The following KIRREL3 variants were observed in gnomAD, a reference collection of about 807,000 sequenced individuals.
KIRREL3 encodes kin of IRRE-like protein 3.
In KIRREL3, 36 loss-of-function variants were observed where a neutral mutation model predicts 89.7. That is an observed-to-expected ratio of 0.40 (90% CI 0.31 to 0.53). The LOEUF (loss-of-function observed/expected upper bound fraction) is 0.53. KIRREL3 is among the 20% of genes least tolerant of loss of function. The pLI is 0.49. For missense variants in KIRREL3, 864 were observed against 1,056.6 expected, an observed-to-expected ratio of 0.82 and a Z score of 2.53; for synonymous variants, 445 against 441.4, an observed-to-expected ratio of 1.01 and a Z score of -0.10.
rs1156632165 is a variant in KIRREL3 at position 126,645,159 on chromosome 11, GA to G, written c.56-82248del. On this transcript the variant is annotated intron_variant, in intron 1 of 16. Transcript: ENST00000525144. The surrounding 1 kb of genome is among the most constrained non-coding windows in gnomAD (Gnocchi z 4.9). ...CTGGGCGTTATGAAGGAAAAAGCTG[GA>G]GGAAGATAGAGTGGGACCAGAAAGT... 6.6e-6 allele frequency among the ~76,000 whole-genome samples: 1 copy of G among 152,224 alleles called. No homozygotes were observed. Among genetic ancestry groups the G allele is most frequent in the Non-Finnish European group, 1.5e-5 (1 of 68,040 alleles).
chr11:126,572,291 A>G (rs904726337), intron 1 of KIRREL3, among the ~76,000 whole-genome samples: 15 of 152,232 alleles, frequency 9.9e-5, no homozygotes, highest in African/African-American at 3.4e-4. Flanking sequence ...TTGCAAAGCC[A>G]GAGGCCCAAT....
At chr11:126,600,144 G>A (rs777807504) in intron 1 of KIRREL3, among the ~76,000 whole-genome samples, 4 of 152,212 alleles carry the variant, frequency 2.6e-5, no homozygotes, top group Non-Finnish European at 5.9e-5. Flanking sequence ...AGAGGCCCAT[G>A]TGGCAAGAAC....
At position 126,475,676 on chromosome 11, in the gene KIRREL3, AC is replaced by A. The variant is rs955980197; in HGVS notation, c.434-2211del. Among the ~76,000 whole-genome samples, 2 of 151,236 alleles carry A rather than the reference AC, an allele frequency of 1.3e-5. No individual in the cohort carries two copies. Among genetic ancestry groups the A allele is most frequent in the East Asian group, 2.0e-4 (1 of 5,104 alleles). On this transcript the variant is annotated intron_variant, in intron 4 of 16. Transcript: ENST00000525144. The surrounding 1 kb of genome is among the most constrained non-coding windows in gnomAD (Gnocchi z 7.5). Reference sequence around the variant, plus strand: ...ATGAATGGGATGGATGGAGAAGACGACCCCCCAGCCGCCCACCCCACACCCT... The same window carrying A: ...ATGAATGGGATGGATGGAGAAGACGACCCCCAGCCGCCCACCCCACACCCT...
rs1833781216 is a variant in KIRREL3 at position 126,996,988 on chromosome 11, A to C, written c.55+3467T>G. On this transcript the variant is annotated intron_variant, in intron 1 of 16. Coordinates refer to ENST00000525144, the MANE Select transcript of KIRREL3 (RefSeq NM_032531.4). The surrounding 1 kb of genome is among the most constrained non-coding windows in gnomAD (Gnocchi z 4.7). ...GCGAGTGTCTGGAGTAGAAGGCGCCAAGTTCTTGCCACTGTGGCTCCCCTG... is the reference window on the plus strand; with the variant it reads ...GCGAGTGTCTGGAGTAGAAGGCGCCCAGTTCTTGCCACTGTGGCTCCCCTG... Among the ~76,000 whole-genome samples the C allele has an allele frequency of 6.6e-6, 1 of 151,986 alleles. No homozygotes were observed. Among genetic ancestry groups the C allele is most frequent in the Non-Finnish European group, 1.5e-5 (1 of 67,998 alleles).
chr11:126,947,502 C>G (rs1426197584), intron 1 of KIRREL3, among the ~76,000 whole-genome samples: 1 of 152,194 alleles, frequency 6.6e-6, no homozygotes, highest in African/African-American at 2.4e-5. Context: ...AACTGGACAG[C>G]CCCTTCCTAT....
intron 1 of KIRREL3, among the ~76,000 whole-genome samples, chr11:126,746,449 A>G (rs1056683068): frequency 1.3e-5 from 2 of 152,116 alleles, no homozygotes; most frequent in Non-Finnish European, 2.9e-5. Flanking sequence ...TTCTGTGGCC[A>G]TGACCACCCC....
chr11:126,709,570 G>A lies in KIRREL3; in HGVS notation c.56-146658C>T, dbSNP rs1346231042. Among the ~76,000 whole-genome samples, 1 of 152,140 alleles carries A rather than the reference G, an allele frequency of 6.6e-6. No individual in the cohort carries two copies. Among genetic ancestry groups the A allele is most frequent in the Non-Finnish European group, 1.5e-5 (1 of 68,030 alleles). On this transcript the variant is annotated intron_variant, in intron 1 of 16. Coordinates refer to ENST00000525144, the MANE Select transcript of KIRREL3 (RefSeq NM_032531.4). The surrounding 1 kb of genome is among the most constrained non-coding windows in gnomAD (Gnocchi z 4.0). The stretch of plus-strand genomic sequence containing the variant: ...AAAAAGGTGATTAAGTTAAAATGAG[G>A]TCATTAGGGTGCGTCCTAATCCTGC...
At chr11:126,835,560 G>T (rs11220633) in intron 1 of KIRREL3, among the ~76,000 whole-genome samples, 34,191 of 152,140 alleles carry the variant, frequency 0.22, 4,601 homozygotes, top group Non-Finnish European at 0.31. Context: ...ATTGGAGGCA[G>T]AATGAGAATT....
In KIRREL3 at chr11:126,611,702, CAG is replaced by C. The variant is rs1943137265; in HGVS notation, c.56-48792_56-48791del. Among the ~76,000 whole-genome samples, 1 of 152,154 alleles carries C rather than the reference CAG, an allele frequency of 6.6e-6. No individual in the cohort carries two copies. Among genetic ancestry groups the C allele is most frequent in the South Asian group, 2.1e-4 (1 of 4,828 alleles). ...GCACGCACGTTGGGTTCACTGATCG[CAG>C]AGTCTTTTTCTGGCTGCCAAGAACA... On this transcript the variant is annotated intron_variant, in intron 1 of 16. Transcript: ENST00000525144. The surrounding 1 kb of genome is among the most constrained non-coding windows in gnomAD (Gnocchi z 4.7).
In KIRREL3 at chr11:126,427,166, A is replaced by C. The variant is rs1298011856; in HGVS notation, c.1807-1442T>G. ...TTTGGGATGAAGGACACACATGATT[A>C]AGCTTAAGTATAGAGACGTCATCCC... is the stretch of plus-strand genomic sequence containing the variant. On this transcript the variant is annotated intron_variant, in intron 15 of 16. Transcript: ENST00000525144. This position sits in a 1 kb window ranked among gnomAD's most constrained non-coding sequence, Gnocchi z 5.3. 6.6e-6 allele frequency among the ~76,000 whole-genome samples: 1 copy of C among 152,182 alleles called. No individual in the cohort carries two copies. Among genetic ancestry groups the C allele is most frequent in the Non-Finnish European group, 1.5e-5 (1 of 68,040 alleles).
intron 2 of KIRREL3, among the ~76,000 whole-genome samples, chr11:126,543,421 A>G (rs1326689349): frequency 6.6e-6 from 1 of 152,088 alleles, no homozygotes; most frequent in Non-Finnish European, 1.5e-5. Context: ...AATCTTTCCC[A>G]TTTTACGGAC....
At chr11:126,738,836 C>T (rs761323582) in intron 1 of KIRREL3, among the ~76,000 whole-genome samples, 1 of 152,222 alleles carries the variant, frequency 6.6e-6, no homozygotes, top group Non-Finnish European at 1.5e-5. Flanking sequence ...TGGGCTTCCA[C>T]CCACCTCGGA....
intron 1 of KIRREL3, among the ~76,000 whole-genome samples, chr11:126,856,195 GA>G (rs1168443045): frequency 6.6e-6 from 1 of 151,938 alleles, no homozygotes; most frequent in East Asian, 1.9e-4. Context: ...GAAACCTGTG[GA>G]ATTAAGCCAC....
At chr11:126,580,302 A>G (rs1380755828) in intron 1 of KIRREL3, among the ~76,000 whole-genome samples, 1 of 152,194 alleles carries the variant, frequency 6.6e-6, no homozygotes, top group Non-Finnish European at 1.5e-5. Context: ...AGTTGGGGAG[A>G]CAAAGGATAG....
In KIRREL3 at chr11:126,764,265, A is replaced by G. The variant is rs1949750618; in HGVS notation, c.56-201353T>C. Among the ~76,000 whole-genome samples the G allele has an allele frequency of 6.6e-6, 1 of 152,030 alleles. No homozygotes were observed. The highest frequency in any genetic ancestry group is 2.1e-4 in the South Asian group (1 of 4,824). On this transcript the variant is annotated intron_variant, in intron 1 of 16. Coordinates refer to ENST00000525144, the MANE Select transcript of KIRREL3 (RefSeq NM_032531.4). The surrounding 1 kb of genome is among the most constrained non-coding windows in gnomAD (Gnocchi z 4.2). ...GGTCAATGGGCCCACGGCAGCACCC[A>G]CTGTCTTGGCAAATGTCCATTCTGT...
chr11:126,800,913 C>T (rs952304585), intron 1 of KIRREL3, among the ~76,000 whole-genome samples: 1 of 152,116 alleles, frequency 6.6e-6, no homozygotes, highest in Non-Finnish European at 1.5e-5. Flanking sequence ...GTGGGAAGCT[C>T]TGGTTAATAG....
At position 126,531,991 on chromosome 11, in the gene KIRREL3, A is replaced by G. The variant is rs193285112; in HGVS notation, c.134-5304T>C. Among the ~76,000 whole-genome samples, 1 of 152,206 alleles carries G rather than the reference A, an allele frequency of 6.6e-6. No homozygotes were observed. Among genetic ancestry groups the G allele is most frequent in the African/African-American group, 2.4e-5 (1 of 41,440 alleles). ...AGATACTGTTCAGAGCACACCACAC[A>G]GGAGAAAGGTGAGAAATCACAGGGT... is the stretch of plus-strand genomic sequence containing the variant. On this transcript the variant is annotated intron_variant, in intron 2 of 16. Coordinates refer to ENST00000525144, the MANE Select transcript of KIRREL3 (RefSeq NM_032531.4). This position sits in a 1 kb window ranked among gnomAD's most constrained non-coding sequence, Gnocchi z 4.7.
intron 1 of KIRREL3, among the ~76,000 whole-genome samples, chr11:126,583,974 C>A (rs2134677352): frequency 6.6e-6 from 1 of 152,340 alleles, no homozygotes; most frequent in Middle Eastern, 3.4e-3. Flanking sequence ...TCCGCGGCAA[C>A]TATCCCCATG....
Position 126,651,820 on chromosome 11 carries a change from G to A in KIRREL3, c.56-88908C>T, listed in dbSNP as rs1481387905. On this transcript the variant is annotated intron_variant, in intron 1 of 16. Transcript: ENST00000525144. The surrounding 1 kb of genome is among the most constrained non-coding windows in gnomAD (Gnocchi z 4.6). ...TACCAGAGAACCCAATAAATGAGAA[G>A]TTTTGGAGACAGCATTAATTGTGAT... Among the ~76,000 whole-genome samples, 1 of 152,190 alleles carries A rather than the reference G, an allele frequency of 6.6e-6. No homozygotes were observed. Among genetic ancestry groups the A allele is most frequent in the Non-Finnish European group, 1.5e-5 (1 of 68,030 alleles).
Sources: gnomAD v4.1 joint callset for allele counts (sites outside exome capture counted in the v4.1 genomes callset) on GRCh38, gnomAD v4.1.1 for gene constraint, Gnocchi (gnomAD v3.1) non-coding constraint, MANE v1.5 for transcripts, NCBI Gene and HGNC (gene_info 2026-07-23, HGNC 2026-07-21) for gene names.